Variants in C3orf49 observed in about 807,000 individuals in gnomAD.
C3orf49 encodes chromosome 3 open reading frame 49.
Under a neutral mutation model 13.3 loss-of-function variants are expected in C3orf49, and 27 were observed. That is an observed-to-expected ratio of 2.02 (90% CI 1.49 to 2.79). The LOEUF is 2.79. Ranked by LOEUF, C3orf49 falls within the 30% of genes most tolerant of loss-of-function variation. C3orf49 has a pLI of 0.00. For synonymous variants in C3orf49, 87 were observed against 47.6 expected (o/e 1.83, Z -3.40); for missense variants, 242 against 134.2 (o/e 1.80, Z -3.97).
At chr3:63,837,912 A>C (rs1438334568) in intron 5 of C3orf49, 19 of 1,460,918 alleles carry the variant, frequency 1.3e-5, no homozygotes, top group African/African-American at 2.9e-5. Flanking sequence ...ACAACATTAA[A>C]AACTGCATGA....
At chr3:63,827,063 A>AT (rs1488348886) in intron 2 of C3orf49, 25 of 152,208 alleles carry the variant, frequency 1.6e-4, no homozygotes, top group Admixed American at 1.6e-3. Context: ...CTAGTCTTAA[A>AT]TTTATGGTAG....
chr3:63,783,726 A>T, the C3orf49 span, among the ~76,000 whole-genome samples: 1 of 149,010 alleles, frequency 6.7e-6, no homozygotes, highest in Non-Finnish European at 1.5e-5. Flanking sequence ...TCAAAAAAAA[A>T]TTAAATTAAT....
chr3:63,822,135 C>T (rs543629431), intron 1 of C3orf49, among the ~76,000 whole-genome samples: 9 of 152,256 alleles, frequency 5.9e-5, no homozygotes, highest in African/African-American at 2.2e-4. Flanking sequence ...GCCACCACGC[C>T]TAACTAATGT....
chr3:63,809,200 T>C, the C3orf49 span, among the ~76,000 whole-genome samples: 1 of 152,214 alleles, frequency 6.6e-6, no homozygotes, highest in Non-Finnish European at 1.5e-5. Flanking sequence ...ACTAGATATT[T>C]TTTATTTTTG....
intron 2 of C3orf49, among the ~76,000 whole-genome samples, chr3:63,824,348 A>G (rs1315501907): frequency 1.3e-5 from 2 of 152,164 alleles, no homozygotes; most frequent in African/African-American, 4.8e-5. Context: ...AAATGAATAA[A>G]ATGTATAACT....
chr3:63,808,569 T>A, the C3orf49 span, among the ~76,000 whole-genome samples: 1 of 152,222 alleles, frequency 6.6e-6, no homozygotes, highest in African/African-American at 2.4e-5. Flanking sequence ...CAAAGGTAAC[T>A]AAGGCTAGAC....
chr3:63,835,176 A>G, intron 5 of C3orf49: 2 of 1,613,568 alleles, frequency 1.2e-6, no homozygotes, highest in Non-Finnish European at 1.7e-6. Flanking sequence ...GCTGAAGTTC[A>G]TGGATGGTAC....
the C3orf49 span, among the ~76,000 whole-genome samples, chr3:63,801,143 A>C: frequency 6.6e-6 from 1 of 152,166 alleles, no homozygotes; most frequent in Non-Finnish European, 1.5e-5. Context: ...TGGCACTTTA[A>C]AACCCTGAGC....
At chr3:63,795,363 A>G in the C3orf49 span, among the ~76,000 whole-genome samples, 2 of 152,158 alleles carry the variant, frequency 1.3e-5, no homozygotes, top group Non-Finnish European at 2.9e-5. Flanking sequence ...GTCTGTTCCC[A>G]CACTATGGAA....
intron 3 of C3orf49, among the ~76,000 whole-genome samples, chr3:63,829,403 C>T (rs1701504599): frequency 6.6e-6 from 1 of 152,064 alleles, no homozygotes; most frequent in South Asian, 2.1e-4. Flanking sequence ...CTATCTCACA[C>T]CATATACAAA....
intron 5 of C3orf49, among the ~76,000 whole-genome samples, chr3:63,834,786 C>T (rs954545288): frequency 6.6e-6 from 1 of 152,130 alleles, no homozygotes; most frequent in Non-Finnish European, 1.5e-5. Flanking sequence ...TTCCCCAAAG[C>T]ACCCACTACT....
At chr3:63,798,624 T>A in the C3orf49 span, among the ~76,000 whole-genome samples, 1 of 152,110 alleles carries the variant, frequency 6.6e-6, no homozygotes, top group Non-Finnish European at 1.5e-5. Context: ...AGAACTTGTT[T>A]TTCTGTGAAT....
chr3:63,791,570 A>G, the C3orf49 span, among the ~76,000 whole-genome samples: 33 of 152,300 alleles, frequency 2.2e-4, no homozygotes, highest in African/African-American at 7.9e-4. Context: ...TTTAAAAAAT[A>G]CTGATGCCTG....
At chr3:63,788,830 C>T in the C3orf49 span, among the ~76,000 whole-genome samples, 4 of 152,102 alleles carry the variant, frequency 2.6e-5, no homozygotes, top group African/African-American at 9.7e-5. Context: ...ACCTAAGCTA[C>T]TAACCTTAGA....
At chr3:63,835,293 G>A in intron 5 of C3orf49, 13 of 1,612,808 alleles carry the variant, frequency 8.1e-6, no homozygotes, top group Non-Finnish European at 1.1e-5. Context: ...CAGATAGACA[G>A]ATCATGAAGG....
At chr3:63,825,102 C>T (rs1328014079) in intron 2 of C3orf49, among the ~76,000 whole-genome samples, 1 of 152,058 alleles carries the variant, frequency 6.6e-6, no homozygotes, top group East Asian at 1.9e-4. Flanking sequence ...TGACAAATAC[C>T]TACTTTTATG....
At chr3:63,799,505 T>C in the C3orf49 span, among the ~76,000 whole-genome samples, 1 of 152,256 alleles carries the variant, frequency 6.6e-6, no homozygotes, top group East Asian at 1.9e-4. Flanking sequence ...ACACTAAAAA[T>C]GAAAGACACA....
At chr3:63,810,982 A>T in the C3orf49 span, among the ~76,000 whole-genome samples, 2 of 151,982 alleles carry the variant, frequency 1.3e-5, no homozygotes, top group Non-Finnish European at 2.9e-5. Context: ...GAGTAGCTGG[A>T]ATTACAAATG....
intron 6 of C3orf49, among the ~76,000 whole-genome samples, chr3:63,845,819 T>C (rs1701880491): frequency 1.3e-5 from 2 of 152,196 alleles, no homozygotes; most frequent in African/African-American, 4.8e-5. Context: ...TCTGCCTTTT[T>C]TGTGTATAAG....
Sources: allele counts gnomAD v4.1 joint callset (sites outside exome capture counted in the v4.1 genomes callset), GRCh38; gene constraint gnomAD v4.1.1; transcripts MANE v1.5; gene names NCBI Gene and HGNC (gene_info 2026-07-23, HGNC 2026-07-21).